The following NSD3 variants were observed in gnomAD, a reference collection of about 807,000 sequenced individuals.
NSD3 encodes histone-lysine N-methyltransferase NSD3.
A neutral mutation model predicts 160.8 loss-of-function variants in NSD3; 24 were observed. The observed-to-expected ratio is 0.15, with a 90% CI of 0.11 to 0.21. NSD3 has a LOEUF of 0.21. Ranked by LOEUF, NSD3 falls within the 10% of genes least tolerant of loss-of-function variation. The pLI is 1.00. For synonymous variants in NSD3, 520 were observed against 600.0 expected (o/e 0.87, Z 1.95); for missense variants, 1,157 against 1,735.9 (o/e 0.67, Z 5.93).
chr8:38,349,792 C>T (rs1585912979), intron 1 of NSD3, among the ~76,000 whole-genome samples: 1 of 150,832 alleles, frequency 6.6e-6, no homozygotes, highest in Non-Finnish European at 1.5e-5. Context: ...CCTATTAACT[C>T]GTCATTTACA....
chr8:38,373,029 C>G (rs1286388132), intron 1 of NSD3, among the ~76,000 whole-genome samples: 2 of 136,484 alleles, frequency 1.5e-5, no homozygotes, highest in African/African-American at 2.7e-5. Context: ...CCAGCCTGGG[C>G]AACACAGCGA....
intron 1 of NSD3, among the ~76,000 whole-genome samples, chr8:38,350,102 T>A (rs543006025): frequency 1.3e-5 from 2 of 152,324 alleles, no homozygotes; most frequent in South Asian, 4.1e-4. Flanking sequence ...ACATTCGGGT[T>A]GGTTCCAAGT....
In NSD3 at chr8:38,279,579, C is replaced by T. The variant is rs760113859; in HGVS notation, c.3721G>A (p.Val1241Ile). The change falls in exon 21 of 24, where the codon GTT becomes ATT. Residue 1241 changes from valine to isoleucine, a missense_variant. Coordinates refer to ENST00000317025, the MANE Select transcript of NSD3 (RefSeq NM_023034.2). ...ETQKWTVNGD[V>I]RVGLFALCDI... ...CAGAGAGCAAATAGTCCCACTCGAACATCTCCATTCACTGTCCACTTTTGT... is the reference window on the plus strand; with the variant it reads ...CAGAGAGCAAATAGTCCCACTCGAATATCTCCATTCACTGTCCACTTTTGT... 5.0e-6 allele frequency: 8 copies of T among 1,614,040 alleles called. No individual in the cohort carries two copies. In the Admixed American group the frequency reaches 1.3e-4, roughly 27 times the overall value.
chr8:38,332,893 G>C (rs1810101241), intron 4 of NSD3, among the ~76,000 whole-genome samples: 1 of 152,056 alleles, frequency 6.6e-6, no homozygotes, highest in Non-Finnish European at 1.5e-5. Flanking sequence ...GAGAAATGCA[G>C]GAACTGATCT....
intron 12 of NSD3, among the ~76,000 whole-genome samples, chr8:38,306,507 AC>A (rs1277930479): frequency 6.6e-6 from 1 of 152,186 alleles, no homozygotes; most frequent in Non-Finnish European, 1.5e-5. Flanking sequence ...AAAAAACTAA[AC>A]AGGAAAAAAA....
intron 2 of NSD3, among the ~76,000 whole-genome samples, chr8:38,344,045 G>GA (rs1273390332): frequency 6.6e-6 from 1 of 152,086 alleles, no homozygotes; most frequent in East Asian, 1.9e-4. Context: ...TTGGTGGGAG[G>GA]AAAAACAGCT....
At position 38,349,660 on chromosome 8, in the gene NSD3, TTTC is replaced by T. The variant is rs1225192422; in HGVS notation, c.-44-1448_-44-1446del. Among the ~76,000 whole-genome samples, 3 of 101,876 alleles carry T rather than the reference TTTC, an allele frequency of 2.9e-5. No homozygotes were observed. In the Admixed American group the frequency reaches 4.3e-4, roughly 14 times the overall value. 66.8% of individuals were successfully genotyped at this position (101,876 alleles called of 152,430 possible). On this transcript the variant is annotated intron_variant, in intron 1 of 23. Coordinates refer to ENST00000317025, the MANE Select transcript of NSD3 (RefSeq NM_023034.2). ...CTACTTATTTTTTTATTGTAATTTCTTTCTTTATATATATATATATATATATAT... is the reference window on the plus strand; with the variant it reads ...CTACTTATTTTTTTATTGTAATTTCTTTTATATATATATATATATATATAT...
At chr8:38,333,511 T>C (rs1810120573) in intron 4 of NSD3, among the ~76,000 whole-genome samples, 1 of 152,258 alleles carries the variant, frequency 6.6e-6, no homozygotes, top group Admixed American at 6.5e-5. Flanking sequence ...TACAAATAAT[T>C]ATTACATCTT....
chr8:38,341,199 A>G (rs1376561541), intron 2 of NSD3, among the ~76,000 whole-genome samples: 1 of 152,176 alleles, frequency 6.6e-6, no homozygotes, highest in Non-Finnish European at 1.5e-5. Context: ...GTGTAAGTGT[A>G]TATGTATTTT....
chr8:38,303,696 A>G (rs1809328718), intron 14 of NSD3, among the ~76,000 whole-genome samples: 1 of 152,224 alleles, frequency 6.6e-6, no homozygotes, highest in Admixed American at 6.5e-5. Flanking sequence ...CAACCAAACA[A>G]AAACCACTTT....
rs549234337 is a variant in NSD3, at chr8:38,303,480, G to A, written c.2611+1107C>T. 2.5e-5 allele frequency: 20 copies of A among 811,990 alleles called. No homozygotes were observed. In the South Asian group the frequency reaches 1.1e-3, roughly 46 times the overall value. 50.3% of individuals were successfully genotyped at this position (811,990 alleles called of 1,614,324 possible). ...TTATAAAACAGGCAAACAGAAAGTAGTGTCTACTACAGACCCTGCTAGCTA... is the reference window on the plus strand; with the variant it reads ...TTATAAAACAGGCAAACAGAAAGTAATGTCTACTACAGACCCTGCTAGCTA... On this transcript the variant is annotated intron_variant, in intron 14 of 23. Transcript: ENST00000317025.
intron 1 of NSD3, among the ~76,000 whole-genome samples, chr8:38,370,278 T>C (rs1480788079): frequency 1.3e-5 from 2 of 152,106 alleles, no homozygotes; most frequent in East Asian, 1.9e-4. Flanking sequence ...CCACAGATGT[T>C]TTCTAAAATA....
At chr8:38,304,999 G>A (rs1809364016) in intron 13 of NSD3, among the ~76,000 whole-genome samples, 1 of 152,156 alleles carries the variant, frequency 6.6e-6, no homozygotes, top group Admixed American at 6.5e-5. Context: ...AGAGACGGTG[G>A]TATCCAATAT....
chr8:38,309,143 T>C (rs2131014152), intron 12 of NSD3, among the ~76,000 whole-genome samples: 1 of 150,226 alleles, frequency 6.7e-6, no homozygotes, highest in South Asian at 2.1e-4. Context: ...CCTGTCTCTC[T>C]ACTAAAAAAA....
At chr8:38,371,709 G>C (rs1233391836) in intron 1 of NSD3, among the ~76,000 whole-genome samples, 2 of 152,084 alleles carry the variant, frequency 1.3e-5, no homozygotes, top group African/African-American at 4.8e-5. Context: ...ATCTTGCAGA[G>C]ATCATACAAA....
chr8:38,281,651 T>G (rs1461020073), intron 19 of NSD3, 68 bp from the exon 20 acceptor site: 1 of 915,836 alleles, frequency 1.1e-6, no homozygotes, highest in African/African-American at 1.7e-5. Context: ...TAATGACACA[T>G]GTATAACCCA....
chr8:38,373,443 C>T (rs1042147062), intron 1 of NSD3, among the ~76,000 whole-genome samples: 1 of 151,898 alleles, frequency 6.6e-6, no homozygotes, highest in Non-Finnish European at 1.5e-5. Flanking sequence ...GTTTTATATG[C>T]TTTTTTTTAT....
chr8:38,279,296 C>A (rs1455399934), intron 21 of NSD3, among the ~76,000 whole-genome samples: 1 of 152,240 alleles, frequency 6.6e-6, no homozygotes, highest in Non-Finnish European at 1.5e-5. Flanking sequence ...TCCTGTCAGA[C>A]CCGCTCTTAC....
At chr8:38,279,797 G>T in intron 20 of NSD3, 116 bp from the exon 21 acceptor site, 1 of 1,143,924 alleles carries the variant, frequency 8.7e-7, no homozygotes, top group Non-Finnish European at 1.2e-6. Flanking sequence ...TTTGACAACT[G>T]ACAGATCAGG....
Sources: gnomAD v4.1 joint callset for allele counts (sites outside exome capture counted in the v4.1 genomes callset) on GRCh38, gnomAD v4.1.1 for gene constraint, MANE v1.5 for transcripts, NCBI Gene and HGNC (gene_info 2026-07-23, HGNC 2026-07-21) for gene names.